MSH3: variants seen among roughly 807,000 people sequenced by gnomAD.
MSH3 encodes the protein DNA mismatch repair protein Msh3.
In MSH3, 106 loss-of-function variants were observed where a neutral mutation model predicts 123.3. That is an observed-to-expected ratio of 0.86 (90% confidence interval 0.73 to 1.01). MSH3 has a LOEUF of 1.01. Among genes scored for constraint, MSH3 ranks in the 50% least tolerant of loss-of-function variants. MSH3 has a pLI of 0.00. For synonymous variants in MSH3, 515 were observed against 481.4 expected, an observed-to-expected ratio of 1.07 and a Z score of -0.91; for missense variants, 1,459 against 1,347.6, an observed-to-expected ratio of 1.08 and a Z score of -1.29.
chr5:80,874,291 T>C (rs1746270428), intron 23 of MSH3, among the ~76,000 whole-genome samples: 2 of 152,214 alleles, frequency 1.3e-5, no homozygotes. Flanking sequence ...CTCCTTCTCC[T>C]GTGCTTCCGC....
intron 17 of MSH3, among the ~76,000 whole-genome samples, chr5:80,785,594 A>G (rs368215764): frequency 6.6e-6 from 1 of 152,210 alleles, no homozygotes; most frequent in Non-Finnish European, 1.5e-5. Context: ...TGACCCAGCC[A>G]TCCCATTACT....
At chr5:80,818,459 A>G (rs1165149018) in intron 20 of MSH3, among the ~76,000 whole-genome samples, 1 of 151,592 alleles carries the variant, frequency 6.6e-6, no homozygotes, top group Non-Finnish European at 1.5e-5. Flanking sequence ...GCATATTAAA[A>G]GAGAGTTAAA....
intron 12 of MSH3, among the ~76,000 whole-genome samples, chr5:80,754,271 G>A (rs1477252075): frequency 6.6e-6 from 1 of 151,698 alleles, no homozygotes; most frequent in African/African-American, 2.4e-5. Flanking sequence ...GTTTAAAAAA[G>A]CAAATATGAA....
At chr5:80,866,907 T>C (rs1201731332) in intron 22 of MSH3, among the ~76,000 whole-genome samples, 1 of 152,232 alleles carries the variant, frequency 6.6e-6, no homozygotes, top group African/African-American at 2.4e-5. Context: ...TATAGCTGAA[T>C]CTTCCTGTAC....
chr5:80,767,840 T>C (rs1744148001), intron 13 of MSH3, 93 bp from the exon 14 acceptor site: 4 of 961,524 alleles, frequency 4.2e-6, no homozygotes, highest in Non-Finnish European at 6.4e-6. Flanking sequence ...ATTTAAACTT[T>C]CCTCAATTCT....
At chr5:80,755,858 A>G (rs1213084008) in intron 12 of MSH3, among the ~76,000 whole-genome samples, 1 of 152,164 alleles carries the variant, frequency 6.6e-6, no homozygotes, top group Non-Finnish European at 1.5e-5. Flanking sequence ...AGAGGTGACA[A>G]ATACGTCTTG....
intron 19 of MSH3, among the ~76,000 whole-genome samples, chr5:80,800,195 A>C (rs112269757): frequency 2.0e-5 from 3 of 152,240 alleles, no homozygotes; most frequent in African/African-American, 7.2e-5. Context: ...TCTAGTTGTT[A>C]TCCAGCAACA....
rs1413885809 is a variant in MSH3, at chr5:80,837,785, C to G, written c.2814-16345C>G. The stretch of plus-strand genomic sequence containing the variant: ...CATTTCTGTGGTTCATGACCCCAGA[C>G]ACAGCTTAGCTAGGGTTGTGTGAGG... On this transcript the variant is annotated intron_variant, in intron 20 of 23. Transcript: ENST00000265081. Among the ~76,000 whole-genome samples, 5 of 152,214 alleles carry G rather than the reference C, an allele frequency of 3.3e-5. 1 individual carries two copies. Among genetic ancestry groups the G allele is most frequent in the South Asian group, 4.1e-4 (2 of 4,834 alleles).
chr5:80,677,071 A>G (rs1263682532), intron 7 of MSH3, among the ~76,000 whole-genome samples: 4 of 152,130 alleles, frequency 2.6e-5, no homozygotes, highest in Admixed American at 2.0e-4. Context: ...CCAAATTTTT[A>G]TTGAACAGAG....
At chr5:80,760,749 G>T (rs1343931681) in intron 12 of MSH3, among the ~76,000 whole-genome samples, 2 of 152,172 alleles carry the variant, frequency 1.3e-5, no homozygotes, top group Non-Finnish European at 2.9e-5. Context: ...CTCCACTGTG[G>T]GCTCAGGCTG....
intron 1 of MSH3, chr5:80,655,642 A>T (rs2112800208): frequency 5.5e-6 from 1 of 181,664 alleles, no homozygotes; most frequent in Non-Finnish European, 1.2e-5. Context: ...GTGACCCCTC[A>T]CTTGGGTCAC....
intron 20 of MSH3, among the ~76,000 whole-genome samples, chr5:80,815,312 A>C (rs2112056931): frequency 6.6e-6 from 1 of 152,224 alleles, no homozygotes; most frequent in South Asian, 2.1e-4. Context: ...TATAAGAAAA[A>C]CAAACCAGGT....
At chr5:80,725,848 T>C (rs547802248) in intron 9 of MSH3, among the ~76,000 whole-genome samples, 3 of 152,308 alleles carry the variant, frequency 2.0e-5, no homozygotes, top group Admixed American at 2.0e-4. Flanking sequence ...AGATCCTGTC[T>C]GTTAAAAAAC....
Position 80,728,869 on chromosome 5 carries a change from G to A in MSH3, c.1472G>A (p.Gly491Asp), listed in dbSNP as rs749116282. 1 of 1,595,670 alleles carries A rather than the reference G, an allele frequency of 6.3e-7. No homozygotes were observed. Among genetic ancestry groups the A allele is most frequent in the Non-Finnish European group, 8.6e-7 (1 of 1,164,188 alleles). Reference protein sequence around the residue: ...VDIKGSQIISGIVNLEKPVIC... With the variant: ...VDIKGSQIISDIVNLEKPVIC... ...TTTCTAGGTTCTCAAATTATTTCTG[G>A]CATTGTTAACTTAGAGAAGCCTGTG... Residue 491 changes from glycine to aspartate, a missense_variant, in exon 10 of 24, where the codon GGC becomes GAC. Gly to Asp is a moderately conservative substitution (Grantham distance 94, BLOSUM62 -1). Coordinates refer to ENST00000265081, the MANE Select transcript of MSH3 (RefSeq NM_002439.5).
intron 8 of MSH3, among the ~76,000 whole-genome samples, chr5:80,724,559 A>C (rs888932484): frequency 2.6e-5 from 4 of 152,154 alleles, no homozygotes; most frequent in Non-Finnish European, 5.9e-5. Context: ...AAGAAAATGC[A>C]TTACCCAGCA....
In MSH3 at chr5:80,813,671, A is replaced by G. The variant is rs200945869; in HGVS notation, c.2743A>G (p.Met915Val). ...AAAACAAGTTGCATTGATTACCATC[A>G]TGGCTCAGATTGGCTCCTATGTTCC... ...YIKQVALITI[M>V]AQIGSYVPAE... The change falls in exon 20 of 24, where the codon ATG becomes GTG. Residue 915 changes from methionine to valine, a missense_variant. Coordinates refer to ENST00000265081, the MANE Select transcript of MSH3 (RefSeq NM_002439.5). 1.2e-6 allele frequency: 2 copies of G among 1,614,220 alleles called. No individual in the cohort carries two copies. Among genetic ancestry groups the G allele is most frequent in the Non-Finnish European group, 1.7e-6 (2 of 1,180,030 alleles).
At chr5:80,689,943 G>T (rs1750190587) in intron 8 of MSH3, among the ~76,000 whole-genome samples, 1 of 152,014 alleles carries the variant, frequency 6.6e-6, no homozygotes, top group Non-Finnish European at 1.5e-5. Context: ...CTGGATTGCA[G>T]TGGTGCGGTC....
At chr5:80,842,083 T>G (rs541388469) in intron 20 of MSH3, among the ~76,000 whole-genome samples, 2 of 152,328 alleles carry the variant, frequency 1.3e-5, no homozygotes, top group East Asian at 3.9e-4. Context: ...AATTTTTGTA[T>G]AAGGTGTAAG....
chr5:80,745,158 C>T (rs1480046307), intron 12 of MSH3, among the ~76,000 whole-genome samples: 8 of 152,172 alleles, frequency 5.3e-5, no homozygotes, highest in Non-Finnish European at 2.9e-5. Flanking sequence ...GCCTAACATA[C>T]AGTGATTTCC....
Sources: gnomAD v4.1 joint callset for allele counts (sites outside exome capture counted in the v4.1 genomes callset) on GRCh38, gnomAD v4.1.1 for gene constraint, MANE v1.5 for transcripts, NCBI Gene and HGNC (gene_info 2026-07-23, HGNC 2026-07-21) for gene names.